The following BRINP1 variants were observed in gnomAD, a reference collection of about 807,000 sequenced individuals.
BRINP1 encodes BMP/retinoic acid-inducible neural-specific protein 1.
A neutral mutation model predicts 72.9 loss-of-function variants in BRINP1; 17 were observed. The observed-to-expected ratio is 0.23, with a 90% CI of 0.16 to 0.35. The LOEUF is 0.35. Ranked by LOEUF, BRINP1 falls within the 10% of genes least tolerant of loss-of-function variation. The pLI, the probability that BRINP1 is intolerant of heterozygous loss-of-function variation, is 1.00. For missense variants in BRINP1, 850 were observed against 1,001.6 expected (o/e 0.85, Z 2.04); for synonymous variants, 418 against 378.5 (o/e 1.10, Z -1.21).
At chr9:119,272,352 G>A (rs1483652161) in intron 2 of BRINP1, among the ~76,000 whole-genome samples, 2 of 152,056 alleles carry the variant, frequency 1.3e-5, no homozygotes, top group African/African-American at 4.8e-5. Context: ...CAAAGCGCTG[G>A]GATTATAGGA....
At chr9:119,254,282 G>A (rs528916485) in intron 2 of BRINP1, among the ~76,000 whole-genome samples, 10 of 152,118 alleles carry the variant, frequency 6.6e-5, no homozygotes, top group South Asian at 2.1e-4. Flanking sequence ...AATAAATCAC[G>A]GGGAGGAGGC....
intron 1 of BRINP1, among the ~76,000 whole-genome samples, chr9:119,331,941 T>C (rs1380332315): frequency 6.6e-6 from 1 of 152,234 alleles, no homozygotes; most frequent in Non-Finnish European, 1.5e-5. Context: ...CCGGTGAATG[T>C]TATACACTAA....
At chr9:119,286,488 C>A (rs1424532452) in intron 2 of BRINP1, among the ~76,000 whole-genome samples, 1 of 152,228 alleles carries the variant, frequency 6.6e-6, no homozygotes, top group African/African-American at 2.4e-5. Context: ...CCCACCTCGG[C>A]CTCCCAAAGT....
intron 2 of BRINP1, among the ~76,000 whole-genome samples, chr9:119,249,604 G>T (rs901182245): frequency 1.3e-5 from 2 of 151,912 alleles, no homozygotes; most frequent in South Asian, 2.1e-4. Context: ...TGTGCCAGGG[G>T]ATTATTATCC....
At chr9:119,182,266 G>T (rs1829565774) in intron 7 of BRINP1, among the ~76,000 whole-genome samples, 1 of 152,102 alleles carries the variant, frequency 6.6e-6, no homozygotes, top group Non-Finnish European at 1.5e-5. Context: ...ATGAAAGTAG[G>T]CAAAGATTTC....
chr9:119,275,607 A>C (rs74521011), intron 2 of BRINP1, among the ~76,000 whole-genome samples: 4 of 152,200 alleles, frequency 2.6e-5, no homozygotes, highest in African/African-American at 9.6e-5. Context: ...CCAATGCAAC[A>C]TATTGGATGC....
intron 7 of BRINP1, among the ~76,000 whole-genome samples, chr9:119,172,995 G>T (rs1196347954): frequency 4.0e-5 from 6 of 149,456 alleles, no homozygotes; most frequent in Admixed American, 4.0e-4. Flanking sequence ...AATAATAAGA[G>T]CCATCTATGA....
chr9:119,356,306 C>T (rs1831564882), intron 1 of BRINP1, among the ~76,000 whole-genome samples: 1 of 152,210 alleles, frequency 6.6e-6, no homozygotes, highest in African/African-American at 2.4e-5. Flanking sequence ...CCTCTCTCAC[C>T]AGGCCATCTG....
chr9:119,187,456 T>C (rs2118845434), intron 7 of BRINP1, among the ~76,000 whole-genome samples: 1 of 151,888 alleles, frequency 6.6e-6, no homozygotes, highest in Non-Finnish European at 1.5e-5. Context: ...ATTTCTGACA[T>C]TGATTACAAC....
chr9:119,315,994 G>A (rs976329630), intron 1 of BRINP1, among the ~76,000 whole-genome samples: 1 of 152,186 alleles, frequency 6.6e-6, no homozygotes, highest in Admixed American at 6.5e-5. Flanking sequence ...GAAAGTACAA[G>A]GTGAAGAAGC....
rs1829799347 is a variant in BRINP1 at position 119,200,920 on chromosome 9, G to C, written c.1145+7799C>G. Among the ~76,000 whole-genome samples, 2 of 152,006 alleles carry C rather than the reference G, an allele frequency of 1.3e-5. 1 individual carries two copies. The highest frequency in any genetic ancestry group is 4.2e-4 in the South Asian group (2 of 4,806). The stretch of plus-strand genomic sequence containing the variant: ...ATCCTTTGAAATGAAGGGCTACTGG[G>C]AGTGGGTGGAATTAGACATTTAGTT... On this transcript the variant is annotated intron_variant, in intron 7 of 7. Transcript: ENST00000265922.
chr9:119,310,536 T>C (rs948271481), intron 2 of BRINP1, among the ~76,000 whole-genome samples: 1 of 152,188 alleles, frequency 6.6e-6, no homozygotes, highest in Non-Finnish European at 1.5e-5. Context: ...AAGATGGCCT[T>C]AACCTAGTTA....
chr9:119,202,171 C>T, intron 7 of BRINP1, among the ~76,000 whole-genome samples: 1 of 152,130 alleles, frequency 6.6e-6, no homozygotes, highest in East Asian at 1.9e-4. Context: ...CATCTCTATG[C>T]CTTAATTTCT....
At chr9:119,170,564 A>G (rs567507800) in intron 7 of BRINP1, among the ~76,000 whole-genome samples, 41 of 152,198 alleles carry the variant, frequency 2.7e-4, no homozygotes, top group South Asian at 2.3e-3. Context: ...TCTGCAGGAT[A>G]TTATCCAGGA....
At chr9:119,223,501 A>T (rs957290424) in intron 5 of BRINP1, among the ~76,000 whole-genome samples, 1 of 151,994 alleles carries the variant, frequency 6.6e-6, no homozygotes, top group African/African-American at 2.4e-5. Context: ...ACATATTTCA[A>T]ATCCCAATGG....
intron 2 of BRINP1, among the ~76,000 whole-genome samples, chr9:119,276,121 C>G (rs1266743865): frequency 6.6e-6 from 1 of 152,160 alleles, no homozygotes; most frequent in Non-Finnish European, 1.5e-5. Flanking sequence ...GACAAAACAT[C>G]TTTACTTGAG....
intron 6 of BRINP1, chr9:119,213,577 C>T: frequency 2.1e-6 from 1 of 475,444 alleles, no homozygotes; most frequent in Non-Finnish European, 3.7e-6. Flanking sequence ...CACAAATATC[C>T]ACACACACAT....
chr9:119,305,509 A>G (rs1324617), intron 2 of BRINP1, among the ~76,000 whole-genome samples: 10,649 of 152,268 alleles, frequency 0.07, 471 homozygotes, highest in Non-Finnish European at 0.077. Context: ...GAAGACGTAT[A>G]GTTCCAGGCT....
At chr9:119,180,478 CATGTGTGTGTGTGT>C (rs1259468798) in intron 7 of BRINP1, among the ~76,000 whole-genome samples, 64 of 120,274 alleles carry the variant, frequency 5.3e-4, no homozygotes, top group African/African-American at 1.2e-3. Context: ...TCTCTCTGTG[CATGTGTGTGTGTGT>C]GTGTGTGTGT....
Sources: allele counts gnomAD v4.1 joint callset (sites outside exome capture counted in the v4.1 genomes callset), GRCh38; gene constraint gnomAD v4.1.1; transcripts MANE v1.5; gene names NCBI Gene and HGNC (gene_info 2026-07-23, HGNC 2026-07-21).